PTAFR: variants seen among roughly 807,000 people sequenced by gnomAD.
PTAFR encodes the protein platelet-activating factor receptor.
In PTAFR, 8 loss-of-function variants were observed where a neutral mutation model predicts 14.7. That is an observed-to-expected ratio of 0.54 (90% CI 0.32 to 0.98). The LOEUF is 0.98. PTAFR is among the 50% of genes least tolerant of loss of function. The pLI is 0.04. For synonymous variants in PTAFR, 156 were observed against 176.5 expected (o/e 0.88, Z 0.92); for missense variants, 337 against 451.2 (o/e 0.75, Z 2.29).
intron 1 of PTAFR, among the ~76,000 whole-genome samples, chr1:28,192,326 G>A (rs752109569): frequency 1.2e-4 from 18 of 151,956 alleles, no homozygotes; most frequent in Non-Finnish European, 2.6e-4. Context: ...TTGGGAGACC[G>A]AGGCGGGTGG....
At chr1:28,162,291 C>T (rs1646332663) in intron 1 of PTAFR, among the ~76,000 whole-genome samples, 1 of 152,132 alleles carries the variant, frequency 6.6e-6, no homozygotes, top group Non-Finnish European at 1.5e-5. Flanking sequence ...CTCTCCCCGT[C>T]CCCTGTACTC....
At chr1:28,190,985 A>C (rs1220866438) in intron 1 of PTAFR, among the ~76,000 whole-genome samples, 1 of 152,198 alleles carries the variant, frequency 6.6e-6, no homozygotes, top group Non-Finnish European at 1.5e-5. Flanking sequence ...TTAGGCCGGT[A>C]AAGGACGCCT....
intron 1 of PTAFR, among the ~76,000 whole-genome samples, chr1:28,182,104 G>A (rs1646567343): frequency 6.6e-6 from 1 of 152,042 alleles, no homozygotes; most frequent in African/African-American, 2.4e-5. Flanking sequence ...GGGAGGCCGA[G>A]GTGGGTGGAT....
chr1:28,153,183 C>T (rs2148993176), intron 1 of PTAFR, among the ~76,000 whole-genome samples: 1 of 152,288 alleles, frequency 6.6e-6, no homozygotes, highest in Middle Eastern at 3.4e-3. Context: ...CGCCTGTAGT[C>T]TCAGCTACTC....
chr1:28,185,242 T>C lies in PTAFR; in HGVS notation c.-39+8480A>G, dbSNP rs767524662. ...AAGATCTGGAACATTGCCTGGCACATTGCAGGTGCTGGATAAAGCTTATTG... is the reference window on the plus strand; with the variant it reads ...AAGATCTGGAACATTGCCTGGCACACTGCAGGTGCTGGATAAAGCTTATTG... On this transcript the variant is annotated intron_variant, in intron 1 of 1. Transcript: ENST00000305392. 2.6e-5 allele frequency among the ~76,000 whole-genome samples: 4 copies of C among 152,210 alleles called. No homozygotes were observed. The East Asian group carries it at 5.8e-4, about 22-fold the overall frequency.
upstream of PTAFR, among the ~76,000 whole-genome samples, chr1:28,180,465 C>T (rs974238081): frequency 4.6e-5 from 7 of 152,192 alleles, no homozygotes; most frequent in Non-Finnish European, 1.0e-4. Flanking sequence ...AAACCTTTCT[C>T]TTCTCCCATC....
intron 1 of PTAFR, among the ~76,000 whole-genome samples, chr1:28,164,382 A>G (rs1262764729): frequency 6.6e-6 from 1 of 152,230 alleles, no homozygotes; most frequent in Non-Finnish European, 1.5e-5. Context: ...ATTCACCAAC[A>G]GGGCAAGGAC....
chr1:28,180,893 A>G (rs542096245), upstream of PTAFR, among the ~76,000 whole-genome samples: 1 of 152,168 alleles, frequency 6.6e-6, no homozygotes, highest in African/African-American at 2.4e-5. Context: ...AAGAAAAAAG[A>G]AAGGAAGAGG....
chr1:28,159,991 T>C (rs555770531), intron 1 of PTAFR, among the ~76,000 whole-genome samples: 20 of 152,086 alleles, frequency 1.3e-4, no homozygotes, highest in African/African-American at 4.8e-4. Flanking sequence ...GGCGGAACAA[T>C]TGCTTGAGCT....
intron 1 of PTAFR, among the ~76,000 whole-genome samples, chr1:28,185,579 T>A (rs1646599562): frequency 6.6e-6 from 1 of 152,212 alleles, no homozygotes; most frequent in Non-Finnish European, 1.5e-5. Flanking sequence ...GCCATCTGCT[T>A]TCTGTGTGAA....
upstream of PTAFR, among the ~76,000 whole-genome samples, chr1:28,181,135 C>T (rs944077206): frequency 6.6e-6 from 1 of 152,078 alleles, no homozygotes; most frequent in Non-Finnish European, 1.5e-5. Flanking sequence ...GGTGTGAGCA[C>T]CACGCCCGGT....
At chr1:28,182,826 A>G (rs1189175185) in intron 1 of PTAFR, among the ~76,000 whole-genome samples, 1 of 151,982 alleles carries the variant, frequency 6.6e-6, no homozygotes, top group African/African-American at 2.4e-5. Flanking sequence ...GATTACAGGC[A>G]CCTGCCACCA....
chr1:28,186,342 AGAATT>A (rs950788409), intron 1 of PTAFR, among the ~76,000 whole-genome samples: 9 of 152,218 alleles, frequency 5.9e-5, no homozygotes, highest in African/African-American at 2.2e-4. Flanking sequence ...AAAAAAAACA[AGAATT>A]AAATAAATGG....
upstream of PTAFR, among the ~76,000 whole-genome samples, chr1:28,180,373 C>CT (rs1162989249): frequency 9.2e-5 from 14 of 152,124 alleles, no homozygotes; most frequent in Middle Eastern, 6.3e-3. Flanking sequence ...GAGCAAGACT[C>CT]TGTCTCAAAA....
rs187493713 is a variant in PTAFR, at chr1:28,170,977, G to C, written c.-39+5615C>G. Among the ~76,000 whole-genome samples the C allele has an allele frequency of 5.2e-3, 792 of 151,952 alleles. 7 individuals are homozygous for C. Among genetic ancestry groups the C allele is most frequent in the African/African-American group, 0.018 (756 of 41,418 alleles). The stretch of plus-strand genomic sequence containing the variant: ...ATTGTGCCACTGCACTCCAGCCTGG[G>C]CAACAGCGAGACTCCATCTCAAAAA... On this transcript the variant is annotated intron_variant, in intron 1 of 1. Transcript: ENST00000373857.
chr1:28,168,246 C>CA (rs1646413816), intron 1 of PTAFR, among the ~76,000 whole-genome samples: 1 of 151,712 alleles, frequency 6.6e-6, no homozygotes, highest in African/African-American at 2.4e-5. Flanking sequence ...GCTGGGATTA[C>CA]AGGCGTGAGC....
At chr1:28,167,801 G>C (rs962825950) in intron 1 of PTAFR, among the ~76,000 whole-genome samples, 3 of 151,390 alleles carry the variant, frequency 2.0e-5, no homozygotes, top group African/African-American at 7.3e-5. Context: ...ACCTCGCCCG[G>C]CTAATTTTTG....
intron 1 of PTAFR, among the ~76,000 whole-genome samples, chr1:28,187,933 CT>C: frequency 6.6e-6 from 1 of 152,218 alleles, no homozygotes; most frequent in East Asian, 1.9e-4. Flanking sequence ...AATCCCAGCA[CT>C]TTGGGAGGCT....
intron 1 of PTAFR, among the ~76,000 whole-genome samples, chr1:28,163,896 C>T (rs532078673): frequency 2.1e-4 from 32 of 152,244 alleles, no homozygotes; most frequent in Non-Finnish European, 4.4e-4. Flanking sequence ...GCTCAGACCA[C>T]TCAGTTTAAC....
Sources: gnomAD v4.1 joint callset for allele counts (sites outside exome capture counted in the v4.1 genomes callset) on GRCh38, gnomAD v4.1.1 for gene constraint, MANE v1.5 for transcripts, NCBI Gene and HGNC (gene_info 2026-07-23, HGNC 2026-07-21) for gene names.